The following DOCK2 variants were observed in gnomAD, a reference collection of about 807,000 sequenced individuals.
DOCK2 encodes the protein dedicator of cytokinesis protein 2.
A neutral mutation model predicts 248.9 loss-of-function variants in DOCK2; 87 were observed. The ratio of observed to expected loss-of-function variants is 0.35; its 90% confidence interval spans 0.29 to 0.42. The LOEUF (loss-of-function observed/expected upper bound fraction) is 0.42. Among genes scored for constraint, DOCK2 ranks in the 10% least tolerant of loss-of-function variants. DOCK2 has a pLI of 1.00. For missense variants in DOCK2, 1,747 were observed against 2,300.2 expected (o/e 0.76, Z 4.92); for synonymous variants, 805 against 821.6 (o/e 0.98, Z 0.35).
chr5:170,019,036 C>G lies in DOCK2; in HGVS notation c.3309C>G (p.Leu1103=). Residue 1103 remains leucine (L), a synonymous_variant, in exon 33 of 52, where the codon CTC becomes CTG. Coordinates refer to ENST00000520908, the MANE Select transcript of DOCK2 (RefSeq NM_004946.3). ...TGACACTTATCCCTGAGGCTGAGCTCCGGAAAGCCACCATACCAATCTTCT... is the reference window on the plus strand; with the variant it reads ...TGACACTTATCCCTGAGGCTGAGCTGCGGAAAGCCACCATACCAATCTTCT... The part of the protein sequence containing the change: ...LEMTLIPEAE[L]RKATIPIFFD... 1 of 1,614,066 alleles carries G rather than the reference C, an allele frequency of 6.2e-7. No individual in the cohort carries two copies. Among genetic ancestry groups the G allele is most frequent in the East Asian group, 2.2e-5 (1 of 44,876 alleles).
At chr5:169,762,782 C>T (rs933834056) in intron 25 of DOCK2, among the ~76,000 whole-genome samples, 2 of 152,136 alleles carry the variant, frequency 1.3e-5, no homozygotes, top group East Asian at 1.9e-4. Context: ...TAATAAAATG[C>T]GAAGCAAACT....
chr5:169,883,072 G>A (rs756719112), intron 27 of DOCK2: 4 of 1,551,544 alleles, frequency 2.6e-6, no homozygotes, highest in Non-Finnish European at 3.5e-6. Flanking sequence ...AAGCAATTCA[G>A]GTTTAAGTTC....
intron 27 of DOCK2, among the ~76,000 whole-genome samples, chr5:169,869,794 A>G (rs2113451309): frequency 6.6e-6 from 1 of 152,346 alleles, no homozygotes; most frequent in South Asian, 2.1e-4. Flanking sequence ...GGATCCAAAT[A>G]GCACACCAAT....
At chr5:169,680,504 A>T (rs1415800923) in intron 6 of DOCK2, among the ~76,000 whole-genome samples, 1 of 152,234 alleles carries the variant, frequency 6.6e-6, no homozygotes. Context: ...CACTATTTTC[A>T]AATTTTTATT....
intron 1 of DOCK2, among the ~76,000 whole-genome samples, chr5:169,647,348 G>T (rs1237859669): frequency 6.6e-6 from 1 of 152,092 alleles, no homozygotes; most frequent in African/African-American, 2.4e-5. Context: ...ATGCATGGAT[G>T]GGTGGGTGGG....
At chr5:169,916,690 T>TGG (rs5873198) in intron 27 of DOCK2, among the ~76,000 whole-genome samples, 2 of 5,534 alleles carry the variant, frequency 3.6e-4, no homozygotes, top group East Asian at 3.5e-3. Context: ...TATGAGAGAC[T>TGG]TTTTAATAAC....
At chr5:169,886,123 A>T (rs923734138) in intron 27 of DOCK2, among the ~76,000 whole-genome samples, 3 of 152,106 alleles carry the variant, frequency 2.0e-5, no homozygotes, top group African/African-American at 7.2e-5. Flanking sequence ...TAAAGAAAAA[A>T]ACCCCTCTTT....
At chr5:169,729,472 C>T (rs527548328) in intron 22 of DOCK2, among the ~76,000 whole-genome samples, 4 of 152,190 alleles carry the variant, frequency 2.6e-5, no homozygotes, top group African/African-American at 9.7e-5. Context: ...GGCCCCTCTA[C>T]CTGGCAGATC....
intron 27 of DOCK2, among the ~76,000 whole-genome samples, chr5:169,871,150 A>G (rs1223759528): frequency 6.6e-6 from 1 of 152,192 alleles, no homozygotes; most frequent in Non-Finnish European, 1.5e-5. Context: ...CTACCTCCAA[A>G]TATCATCACA....
intron 45 of DOCK2, 67 bp from the exon 46 acceptor site, chr5:170,069,070 G>T: frequency 6.9e-7 from 1 of 1,442,894 alleles, no homozygotes; most frequent in Non-Finnish European, 9.6e-7. Context: ...TTCTCCCAGT[G>T]CCAAAGAGAT....
intron 30 of DOCK2, among the ~76,000 whole-genome samples, chr5:170,004,970 T>C (rs1754968749): frequency 7.0e-6 from 1 of 142,402 alleles, no homozygotes; most frequent in South Asian, 2.4e-4. Flanking sequence ...TAATGCTAGA[T>C]GACGAGTTAG....
intron 27 of DOCK2, among the ~76,000 whole-genome samples, chr5:169,863,369 A>G (rs974691490): frequency 2.0e-5 from 3 of 152,232 alleles, no homozygotes; most frequent in African/African-American, 7.2e-5. Context: ...AGCCTTATCT[A>G]TGTTACTCAT....
At chr5:169,656,684 C>T (rs988662506) in intron 2 of DOCK2, among the ~76,000 whole-genome samples, 2 of 152,174 alleles carry the variant, frequency 1.3e-5, no homozygotes, top group African/African-American at 4.8e-5. Context: ...AATGACAAGG[C>T]CTTGGTCATT....
chr5:169,708,940 A>G (rs1034843853), intron 15 of DOCK2, among the ~76,000 whole-genome samples: 4 of 152,196 alleles, frequency 2.6e-5, no homozygotes, highest in African/African-American at 9.7e-5. Context: ...CTGGGTTCGT[A>G]TTCCAGCCCT....
chr5:169,993,549 T>TTGTGTGTGTGTG (rs10626609), intron 29 of DOCK2, among the ~76,000 whole-genome samples: 36,305 of 149,242 alleles, frequency 0.24, 4,784 homozygotes, highest in Non-Finnish European at 0.3. Flanking sequence ...TCACATCCAT[T>TTGTGTGTGTGTG]TGTGTGTGTG....
chr5:169,932,483 G>T (rs1275995618), intron 27 of DOCK2, among the ~76,000 whole-genome samples: 12 of 152,188 alleles, frequency 7.9e-5, no homozygotes, highest in Non-Finnish European at 1.3e-4. Context: ...CTCAGTTGAT[G>T]GAACATGCTT....
At chr5:170,029,337 G>T (rs921406992) in intron 34 of DOCK2, among the ~76,000 whole-genome samples, 1 of 152,128 alleles carries the variant, frequency 6.6e-6, no homozygotes, top group African/African-American at 2.4e-5. Context: ...AGAATTCATT[G>T]ATTTTCAGTA....
At chr5:170,058,972 G>A (rs78273417) in intron 44 of DOCK2, among the ~76,000 whole-genome samples, 2,465 of 152,196 alleles carry the variant, frequency 0.016, 24 homozygotes, top group Middle Eastern at 0.072. Flanking sequence ...CTGTTCATAT[G>A]CATGATCTCA....
chr5:169,962,708 G>A (rs1317611482), intron 27 of DOCK2, among the ~76,000 whole-genome samples: 1 of 152,160 alleles, frequency 6.6e-6, no homozygotes, highest in Non-Finnish European at 1.5e-5. Context: ...AAAAAGTAGG[G>A]AATGATAACT....
Sources: allele counts gnomAD v4.1 joint callset (sites outside exome capture counted in the v4.1 genomes callset), GRCh38; gene constraint gnomAD v4.1.1; transcripts MANE v1.5; gene names NCBI Gene and HGNC (gene_info 2026-07-23, HGNC 2026-07-21).